The following MTOR variants were observed in gnomAD, a reference collection of about 807,000 sequenced individuals.
The protein encoded by MTOR is serine/threonine-protein kinase mTOR.
MTOR carries 70 observed loss-of-function variants against 319.8 expected under a neutral mutation model. The observed-to-expected ratio is 0.22, with a 90% CI of 0.18 to 0.27. MTOR has a LOEUF of 0.27. Among genes scored for constraint, MTOR ranks in the 10% least tolerant of loss-of-function variants. The pLI is 1.00. For missense variants in MTOR, 1,890 were observed against 3,274.4 expected (o/e 0.58, Z 10.32); for synonymous variants, 1,183 against 1,211.4 (o/e 0.98, Z 0.49).
In MTOR at chr1:11,238,321, G is replaced by T. The variant is rs552892357; in HGVS notation, c.2002+81C>A. ...TTTTTGAGCCGAAGAACTCTAGAGA[G>T]GCCATGTAATGAAACTGGCTACTCC... On this transcript the variant is annotated intron_variant, in intron 12 of 57. Coordinates refer to ENST00000361445, the MANE Select transcript of MTOR (RefSeq NM_004958.4). The T allele has an allele frequency of 2.1e-5, 30 of 1,401,800 alleles. No homozygotes were observed. In the South Asian group the frequency reaches 3.2e-4, roughly 15 times the overall value. The allele number at this position is 1,401,800 out of a possible 1,614,324, so 86.8% of individuals were successfully genotyped here. A position where few individuals can be genotyped will look rare whatever the true frequency, so the allele number is the denominator to read the frequency against.
chr1:11,212,392 G>T lies in MTOR; in HGVS notation c.3481C>A (p.Arg1161=). Residue 1161 remains arginine (R), a synonymous_variant, in exon 23 of 58, where the codon CGA becomes AGA. Transcript: ENST00000361445. This position sits in a 1 kb window ranked among gnomAD's most constrained non-coding sequence, Gnocchi z 4.1. The part of the protein sequence containing the change: ...YASRIIHPIV[R]TLDQSPELRS... Reference sequence around the variant, plus strand: ...AGTTCTGGGCTCTGGTCCAGTGTTCGAACAATAGGGTGAATGATCCGGGAG... The same window carrying T: ...AGTTCTGGGCTCTGGTCCAGTGTTCTAACAATAGGGTGAATGATCCGGGAG... 1 of 1,614,118 alleles carries T rather than the reference G, an allele frequency of 6.2e-7. No homozygotes were observed. Among genetic ancestry groups the T allele is most frequent in the Non-Finnish European group, 8.5e-7 (1 of 1,180,006 alleles).
At chr1:11,178,963 C>G (rs929713885) in intron 28 of MTOR, among the ~76,000 whole-genome samples, 8 of 152,222 alleles carry the variant, frequency 5.3e-5, no homozygotes, top group Admixed American at 2.0e-4. Context: ...TGGTCTTCCA[C>G]TCTATTAAGG....
Position 11,243,130 on chromosome 1 carries a change from T to C in MTOR, c.1396A>G (p.Lys466Glu). ...LDIIRAALPP[K>E]DFAHKRQKAM... ...GGTGCTTACTTATGGGCGAAGTCCT[T>C]TGGGGGCAGGGCCGCTCGGATGATG... Residue 466 changes from lysine to glutamate, a missense_variant, in exon 9 of 58, where the codon AAG becomes GAG. By Grantham distance (56) the Lys-to-Glu change is moderately conservative. Coordinates refer to ENST00000361445, the MANE Select transcript of MTOR (RefSeq NM_004958.4). The C allele has an allele frequency of 6.2e-7, 1 of 1,614,130 alleles. No homozygotes were observed. The highest frequency in any genetic ancestry group is 8.5e-7 in the Non-Finnish European group (1 of 1,180,040).
At chr1:11,232,679 A>G in intron 15 of MTOR, 151 bp from the exon 16 acceptor site, 1 of 596,708 alleles carries the variant, frequency 1.7e-6, no homozygotes, top group East Asian at 2.9e-5. Flanking sequence ...GCTCCAGACC[A>G]GCCTAGCCAA....
At chr1:11,132,882 A>G in intron 38 of MTOR, 198 bp downstream of exon 38, 1 of 575,532 alleles carries the variant, frequency 1.7e-6, no homozygotes, top group South Asian at 2.2e-5. Context: ...TATTTCTCCA[A>G]TAATCTTTCT....
chr1:11,259,397 C>T lies in MTOR; in HGVS notation c.13G>A (p.Gly5Arg), dbSNP rs774041749. 9 of 1,574,122 alleles carry T rather than the reference C, an allele frequency of 5.7e-6. No individual in the cohort carries two copies. The highest frequency in any genetic ancestry group is 2.4e-5 in the South Asian group (2 of 85,026). Residue 5 changes from glycine to arginine, a missense_variant, in exon 2 of 58, where the codon GGA becomes AGA. Gly to Arg is a moderately radical substitution (Grantham distance 125, BLOSUM62 -2). This residue lies in a region of MTOR where 85 missense variants were observed against 105.8 expected (regional missense o/e 0.80). Transcript: ENST00000361445. Reference sequence around the variant, plus strand: ...GCAGCGGTGGTGGCGGCGGCAGGTCCGGTTCCAAGCATCTTGCCCTGAGGT... The same window carrying T: ...GCAGCGGTGGTGGCGGCGGCAGGTCTGGTTCCAAGCATCTTGCCCTGAGGT... MLGT[G>R]PAAATTAATT...
rs1196703309 is a variant in MTOR, at chr1:11,199,807, T to C, written c.3945-104A>G. 4 of 1,197,056 alleles carry C rather than the reference T, an allele frequency of 3.3e-6. No homozygotes were observed. The highest frequency in any genetic ancestry group is 1.4e-5 in the South Asian group (1 of 70,072). 74.2% of individuals were successfully genotyped at this position (1,197,056 alleles called of 1,614,324 possible). A position where few individuals can be genotyped will look rare whatever the true frequency, so the allele number is the denominator to read the frequency against. On this transcript the variant is annotated intron_variant, in intron 26 of 57. Transcript: ENST00000361445. The surrounding 1 kb of genome is among the most constrained non-coding windows in gnomAD (Gnocchi z 4.5). The stretch of plus-strand genomic sequence containing the variant: ...CTTTTGGCATCACTGATTTTGGTTA[T>C]ACAAACCAGTGCTATACAGACCAGT...
Position 11,106,897 on chromosome 1 carries a change from G to A in MTOR, c.*588C>T, listed in dbSNP as rs1394576626. 2.2e-6 allele frequency: 3 copies of A among 1,364,138 alleles called. No homozygotes were observed. Among genetic ancestry groups the A allele is most frequent in the Non-Finnish European group, 2.9e-6 (3 of 1,035,990 alleles). 84.5% of individuals were successfully genotyped at this position (1,364,138 alleles called of 1,614,324 possible). ...TCAGGTCTTGAATTGAAGCGTGTGA[G>A]TCGCAGCATCACTGGGTCTGATGGA... On this transcript the variant is annotated 3_prime_UTR_variant, in exon 58 of 58. Coordinates refer to ENST00000361445, the MANE Select transcript of MTOR (RefSeq NM_004958.4).
At chr1:11,144,207 G>T (rs983613128) in intron 34 of MTOR, among the ~76,000 whole-genome samples, 3 of 152,122 alleles carry the variant, frequency 2.0e-5, no homozygotes, top group Non-Finnish European at 4.4e-5. Context: ...AGCTTTGGCT[G>T]GTGGAATCAT....
chr1:11,165,575 C>T (rs1355653730), intron 29 of MTOR, among the ~76,000 whole-genome samples: 1 of 152,054 alleles, frequency 6.6e-6, no homozygotes, highest in Admixed American at 6.6e-5. Flanking sequence ...CTACAAACCA[C>T]TGCTCAACGA....
intron 53 of MTOR, 81 bp downstream of exon 53, chr1:11,114,237 C>A (rs1241887293): frequency 1.3e-6 from 2 of 1,566,444 alleles, no homozygotes; most frequent in Non-Finnish European, 1.7e-6. Flanking sequence ...TCAAGCAACT[C>A]CTCTGCCTTG....
Position 11,254,909 on chromosome 1 carries a change from C to T in MTOR, c.706-936G>A, listed in dbSNP as rs114967026. Among the ~76,000 whole-genome samples, 924 of 151,978 alleles carry T rather than the reference C, an allele frequency of 6.1e-3. 11 individuals are homozygous for T. The highest frequency in any genetic ancestry group is 0.021 in the African/African-American group (866 of 41,466). ...CCTCCCAAATAGCTGGGACCACAGG[C>T]GTGTAACACCAGGCCCAGCTAATTT... is the stretch of plus-strand genomic sequence containing the variant. On this transcript the variant is annotated intron_variant, in intron 5 of 57. Transcript: ENST00000361445.
Position 11,212,253 on chromosome 1 carries a change from CAA to C in MTOR, c.3561+57_3561+58del, listed in dbSNP as rs1646336929. On this transcript the variant is annotated intron_variant, in intron 23 of 57. Transcript: ENST00000361445. This position sits in a 1 kb window ranked among gnomAD's most constrained non-coding sequence, Gnocchi z 4.1. ...AGACAAAGTCTGAGTGGCTCACAGA[CAA>C]AGTCTTCTTTCCAAATAAGGCAGAA... The C allele has an allele frequency of 6.5e-7, 1 of 1,546,046 alleles. No individual in the cohort carries two copies. Among genetic ancestry groups the C allele is most frequent in the South Asian group, 1.2e-5 (1 of 80,146 alleles).
chr1:11,174,091 A>C (rs1034317978), intron 28 of MTOR, among the ~76,000 whole-genome samples: 1 of 152,228 alleles, frequency 6.6e-6, no homozygotes, highest in African/African-American at 2.4e-5. Context: ...TTCCCTTAAA[A>C]GGTGACTTTC....
At chr1:11,183,282 C>G (rs1645215052) in intron 28 of MTOR, among the ~76,000 whole-genome samples, 1 of 152,046 alleles carries the variant, frequency 6.6e-6, no homozygotes, top group African/African-American at 2.4e-5. Context: ...AGTGCCTGTT[C>G]ACATCTTTTG....
intron 29 of MTOR, among the ~76,000 whole-genome samples, chr1:11,163,352 C>T (rs1405626380): frequency 6.6e-6 from 1 of 152,158 alleles, no homozygotes; most frequent in Admixed American, 6.5e-5. Flanking sequence ...CTTTAACACC[C>T]CACTGTCAAC....
Position 11,261,913 on chromosome 1 carries a change from TCTGAAGTCAAATATC to T in MTOR, c.-15+517_-15+531del, listed in dbSNP as rs1192899181. ...ACTGAATTCAATTAAACTTAGGATA[TCTGAAGTCAAATATC>T]CTAATGGTGTTGATAGGGCTTAAGG... is the stretch of plus-strand genomic sequence containing the variant. On this transcript the variant is annotated intron_variant, in intron 1 of 57. Transcript: ENST00000361445. Among the ~76,000 whole-genome samples the T allele has an allele frequency of 4.9e-4, 74 of 152,094 alleles. 1 individual carries two copies. Among genetic ancestry groups the T allele is most frequent in the Non-Finnish European group, 1.0e-4 (7 of 68,024 alleles).
Position 11,199,445 on chromosome 1 carries a change from T to C in MTOR, c.4108-42A>G. On this transcript the variant is annotated intron_variant, in intron 27 of 57. Coordinates refer to ENST00000361445, the MANE Select transcript of MTOR (RefSeq NM_004958.4). The surrounding 1 kb of genome is among the most constrained non-coding windows in gnomAD (Gnocchi z 4.5). ...CCTCACAGCACAGGAAAATGGCAGATGGGGCACAAACAAGAGAAGGCTGTG... is the reference window on the plus strand; with the variant it reads ...CCTCACAGCACAGGAAAATGGCAGACGGGGCACAAACAAGAGAAGGCTGTG... 1.2e-6 allele frequency: 2 copies of C among 1,614,056 alleles called. No homozygotes were observed. Among genetic ancestry groups the C allele is most frequent in the Non-Finnish European group, 1.7e-6 (2 of 1,179,968 alleles).
Position 11,144,894 on chromosome 1 carries a change from C to A in MTOR, c.4764+74G>T. Reference sequence around the variant, plus strand: ...GCATGTTTCCAGCAGCCTGTAAGTTCTCAATAGCCCATTCTGAAAAAAGTA... The same window carrying A: ...GCATGTTTCCAGCAGCCTGTAAGTTATCAATAGCCCATTCTGAAAAAAGTA... On this transcript the variant is annotated intron_variant, in intron 33 of 57. Transcript: ENST00000361445. The A allele has an allele frequency of 2.6e-6, 4 of 1,560,254 alleles. No individual in the cohort carries two copies. In the South Asian group the frequency reaches 3.4e-5, roughly 13 times the overall value.
Sources: allele counts gnomAD v4.1 joint callset (sites outside exome capture counted in the v4.1 genomes callset), GRCh38; gene constraint gnomAD v4.1.1; regional missense constraint gnomAD v4.1.1; non-coding constraint Gnocchi (gnomAD v3.1); transcripts MANE v1.5; gene names NCBI Gene and HGNC (gene_info 2026-07-23, HGNC 2026-07-21).